The following WDR43 variants were observed in gnomAD, a reference collection of about 807,000 sequenced individuals.
WDR43 encodes the protein WD repeat-containing protein 43.
In WDR43, 13 loss-of-function variants were observed where a neutral mutation model predicts 91.4. The observed-to-expected ratio is 0.14, with a 90% CI of 0.09 to 0.23. WDR43 has a LOEUF of 0.23. Ranked by LOEUF, WDR43 falls within the 10% of genes least tolerant of loss-of-function variation. The pLI is 1.00. For missense variants in WDR43, 780 were observed against 809.4 expected (o/e 0.96, Z 0.44); for synonymous variants, 331 against 287.9 (o/e 1.15, Z -1.51).
chr2:28,895,285 C>A (rs866179375), intron 1 of WDR43: 1 of 208,606 alleles, frequency 4.8e-6, no homozygotes. Flanking sequence ...TTTGACAGAG[C>A]CCCATCTTGG....
chr2:28,937,813 G>C (rs551126715), intron 13 of WDR43, 118 bp from the exon 14 acceptor site: 1 of 913,210 alleles, frequency 1.1e-6, no homozygotes, highest in East Asian at 2.6e-5. Context: ...ATTTATTACA[G>C]TCATTTTCAC....
At chr2:28,905,366 G>A (rs896163462) in intron 2 of WDR43, among the ~76,000 whole-genome samples, 2 of 152,140 alleles carry the variant, frequency 1.3e-5, no homozygotes, top group East Asian at 1.9e-4. Flanking sequence ...CTATTCCTAC[G>A]TGCCTCTTAG....
intron 6 of WDR43, among the ~76,000 whole-genome samples, chr2:28,921,966 G>A (rs904430569): frequency 1.3e-5 from 2 of 151,872 alleles, no homozygotes; most frequent in African/African-American, 4.8e-5. Context: ...TTCCCGCCTC[G>A]GCCAAAGTGC....
chr2:28,925,062 C>T lies in WDR43; in HGVS notation c.995C>T (p.Pro332Leu), dbSNP rs901103664. Residue 332 changes from proline to leucine, a missense_variant, in exon 8 of 18, where the codon CCC becomes CTC. Physicochemically the swap from Pro to Leu is moderately conservative, Grantham distance 98 (BLOSUM62 -3). This residue lies in a region of WDR43 where 426 missense variants were observed against 467.8 expected (regional missense o/e 0.91). Coordinates refer to ENST00000407426, the MANE Select transcript of WDR43 (RefSeq NM_015131.3). ...PGKGKKSTPK[P>L]IPILAAGFCS... ...AAAGGCAAGAAGTCAACACCAAAAC[C>T]CATCCCTATTCTAGCTGCTGGTTTT... The T allele has an allele frequency of 1.9e-6, 3 of 1,613,818 alleles. No individual in the cohort carries two copies. The highest frequency in any genetic ancestry group is 2.7e-5 in the African/African-American group (2 of 74,894).
At chr2:28,931,423 G>A (rs1200249155) in intron 11 of WDR43, among the ~76,000 whole-genome samples, 1 of 152,162 alleles carries the variant, frequency 6.6e-6, no homozygotes, top group African/African-American at 2.4e-5. Context: ...AGTCTACACT[G>A]TATTTAGTTG....
Position 28,913,823 on chromosome 2 carries a change from G to A in WDR43, c.607-246G>A, listed in dbSNP as rs149011183. ...AGAATGTAAGAAACAAAGGTGCGGA[G>A]TGGTAGGGTCATGGGAGTTAGAAGG... On this transcript the variant is annotated intron_variant, in intron 4 of 17. Coordinates refer to ENST00000407426, the MANE Select transcript of WDR43 (RefSeq NM_015131.3). The A allele has an allele frequency of 1.9e-4, 130 of 679,304 alleles. 3 individuals are homozygous for A. In the East Asian group the frequency reaches 3.9e-3, roughly 20 times the overall value. 42.1% of individuals were successfully genotyped at this position (679,304 alleles called of 1,614,324 possible). A position where few individuals can be genotyped will look rare whatever the true frequency, so the allele number is the denominator to read the frequency against.
At chr2:28,930,996 A>G (rs1671228655) in intron 11 of WDR43, among the ~76,000 whole-genome samples, 1 of 152,170 alleles carries the variant, frequency 6.6e-6, no homozygotes, top group Non-Finnish European at 1.5e-5. Flanking sequence ...TTGCACCTCA[A>G]AAAAGTAATT....
In WDR43 at chr2:28,894,680, C is replaced by G. The variant is rs1390292437; in HGVS notation, c.-19C>G. 1.9e-6 allele frequency: 3 copies of G among 1,538,892 alleles called. No individual in the cohort carries two copies. Among genetic ancestry groups the G allele is most frequent in the Non-Finnish European group, 2.6e-6 (3 of 1,140,050 alleles). On this transcript the variant is annotated 5_prime_UTR_variant, in exon 1 of 18. Transcript: ENST00000407426. ...CTGCGCACGGACGAACACGTGGCTG[C>G]AGCGGGGCCAGAGCAGCAATGGCGG...
chr2:28,927,457 A>T (rs1671162094), intron 9 of WDR43, 112 bp from the exon 10 acceptor site: 2 of 1,224,302 alleles, frequency 1.6e-6, no homozygotes, highest in East Asian at 2.6e-5. Flanking sequence ...CAAGTTAATT[A>T]TATTGCATTT....
In WDR43 at chr2:28,929,648, A is replaced by G. The variant is rs1671205848; in HGVS notation, c.1375A>G (p.Thr459Ala). The change falls in exon 11 of 18, where the codon ACG becomes GCG. Residue 459 changes from threonine to alanine, a missense_variant. Thr to Ala is a moderately conservative substitution (Grantham distance 58). This residue lies in a region of WDR43 where 426 missense variants were observed against 467.8 expected (regional missense o/e 0.91). Transcript: ENST00000407426. ...CAAAAAAGGAAAGGAAGACCTCCAGACGAATAGCTTTCCAGTTCTTCTTAC... is the reference window on the plus strand; with the variant it reads ...CAAAAAAGGAAAGGAAGACCTCCAGGCGAATAGCTTTCCAGTTCTTCTTAC... ...THKKGKEDLQ[T>A]NSFPVLLTQG... 2 of 1,613,896 alleles carry G rather than the reference A, an allele frequency of 1.2e-6. No individual in the cohort carries two copies.
intron 9 of WDR43, chr2:28,927,313 C>A: frequency 2.1e-6 from 1 of 474,632 alleles, no homozygotes; most frequent in African/African-American, 2.0e-5. Context: ...TTAATAAGTT[C>A]TGATAACCAA....
intron 1 of WDR43, 111 bp downstream of exon 1, chr2:28,895,034 C>T (rs1670449373): frequency 1.7e-6 from 2 of 1,165,170 alleles, no homozygotes; most frequent in Admixed American, 8.4e-5. Context: ...CGGCCCGGGC[C>T]AGAAGGCTTG....
At chr2:28,915,143 A>G (rs6547892) in intron 5 of WDR43, among the ~76,000 whole-genome samples, 62,102 of 151,952 alleles carry the variant, frequency 0.41, 13,444 homozygotes, top group Middle Eastern at 0.53. Flanking sequence ...TAGAAGTGGG[A>G]CTCATCCAAT....
intron 14 of WDR43, 107 bp downstream of exon 14, chr2:28,938,101 C>A: frequency 8.3e-7 from 1 of 1,205,346 alleles, no homozygotes; most frequent in Non-Finnish European, 1.2e-6. Flanking sequence ...CCCATCTATC[C>A]TTCAGCCGTT....
intron 6 of WDR43, among the ~76,000 whole-genome samples, chr2:28,920,608 G>A (rs1257631918): frequency 1.3e-5 from 2 of 152,078 alleles, no homozygotes; most frequent in East Asian, 1.9e-4. Flanking sequence ...ATTTATGGAA[G>A]AAAAATCACT....
intron 3 of WDR43, among the ~76,000 whole-genome samples, chr2:28,911,736 A>T (rs933704389): frequency 6.6e-6 from 1 of 151,604 alleles, no homozygotes; most frequent in Non-Finnish European, 1.5e-5. Context: ...GGCTCAAGCG[A>T]TCCTACCATC....
chr2:28,940,603 G>A (rs1412261234), intron 14 of WDR43, among the ~76,000 whole-genome samples: 1 of 152,212 alleles, frequency 6.6e-6, no homozygotes, highest in African/African-American at 2.4e-5. Context: ...CAGTGGGACA[G>A]GAAGAGGCTT....
chr2:28,901,176 G>A (rs567169782), intron 1 of WDR43, among the ~76,000 whole-genome samples: 10 of 152,268 alleles, frequency 6.6e-5, no homozygotes, highest in Admixed American at 2.0e-4. Context: ...CATATAGGCT[G>A]GTGAGCCGTA....
intron 10 of WDR43, among the ~76,000 whole-genome samples, chr2:28,929,343 A>G (rs1203037867): frequency 6.6e-6 from 1 of 152,032 alleles, no homozygotes; most frequent in Non-Finnish European, 1.5e-5. Context: ...TTTTCAAACT[A>G]TGTGCTTCTT....
Sources: allele counts gnomAD v4.1 joint callset (sites outside exome capture counted in the v4.1 genomes callset), GRCh38; gene constraint gnomAD v4.1.1; regional missense constraint gnomAD v4.1.1; transcripts MANE v1.5; gene names NCBI Gene and HGNC (gene_info 2026-07-23, HGNC 2026-07-21).